The following VWCE variants were observed in gnomAD, a reference collection of about 807,000 sequenced individuals.
The protein encoded by VWCE is von Willebrand factor C and EGF domains, also known as von Willebrand factor C and EGF domain-containing protein.
In VWCE, 68 loss-of-function variants were observed where a neutral mutation model predicts 102.9. That is an observed-to-expected ratio of 0.66 (90% CI 0.54 to 0.81). VWCE has a LOEUF of 0.81. Ranked by LOEUF, VWCE falls within the 30% of genes least tolerant of loss-of-function variation. The pLI, the probability that VWCE is intolerant of heterozygous loss-of-function variation, is 0.00. For synonymous variants in VWCE, 497 were observed against 515.4 expected (o/e 0.96, Z 0.48); for missense variants, 1,137 against 1,263.6 (o/e 0.90, Z 1.52).
chr11:61,280,526 C>T (rs1654961745), intron 9 of VWCE, 98 bp downstream of exon 9: 2 of 1,227,362 alleles, frequency 1.6e-6, no homozygotes, highest in East Asian at 4.8e-5. Flanking sequence ...CCAGGAGATT[C>T]TAATGTATGC....
chr11:61,282,947 A>C (rs1221049916), intron 5 of VWCE, 42 bp from the exon 6 acceptor site: 4 of 1,528,520 alleles, frequency 2.6e-6, no homozygotes, highest in African/African-American at 1.4e-5. Flanking sequence ...TTTCCCCAAC[A>C]GAACCTTGGA....
chr11:61,273,780 C>T (rs1384501892), intron 12 of VWCE: 1 of 166,182 alleles, frequency 6.0e-6, no homozygotes, highest in African/African-American at 2.4e-5. Context: ...AGATGGTCAC[C>T]ACCCCCACTC....
At chr11:61,293,584 G>C (rs963027528) in intron 1 of VWCE, among the ~76,000 whole-genome samples, 3 of 152,086 alleles carry the variant, frequency 2.0e-5, no homozygotes, top group African/African-American at 7.2e-5. Flanking sequence ...AGCCTGGTTT[G>C]AGCTTCCAAC....
At position 61,274,504 on chromosome 11, in the gene VWCE, A is replaced by G; in HGVS notation, c.1576T>C (p.Cys526Arg). The change falls in exon 12 of 20, where the codon TGC (cysteine) becomes CGC (arginine). Residue 526 changes from cysteine to arginine, a missense_variant. This residue lies in a region of VWCE where 212 missense variants were observed against 235.1 expected (regional missense o/e 0.90). Transcript: ENST00000335613. ...GGGACGCTCAGCCACCATACCTGGC[A>G]AACACAGGTGGTACACTCGTCACCA... ...GGGDECTTCV[C>R]QNGEVECSFM... 2 of 1,612,336 alleles carry G rather than the reference A, an allele frequency of 1.2e-6. No individual in the cohort carries two copies. The highest frequency in any genetic ancestry group is 2.7e-5 in the African/African-American group (2 of 74,960).
rs376407964 is a variant in VWCE at position 61,265,099 on chromosome 11, G to T, written c.2056+23C>A. On this transcript the variant is annotated intron_variant, in intron 17 of 19. Coordinates refer to ENST00000335613, the MANE Select transcript of VWCE (RefSeq NM_152718.2). ...CGAGGCCTGGCCGGGAACCTGGCAC[G>T]TGGGGCAGCTGGTCCCACTCACCTC... The T allele has an allele frequency of 3.1e-6, 5 of 1,613,210 alleles. No homozygotes were observed. The South Asian group carries it at 5.5e-5, about 18-fold the overall frequency.
chr11:61,265,093 T>G lies in VWCE; in HGVS notation c.2056+29A>C, dbSNP rs564766376. The G allele has an allele frequency of 2.9e-5, 47 of 1,613,372 alleles. No individual in the cohort carries two copies. In the African/African-American group the frequency reaches 3.9e-4, roughly 13 times the overall value. Reference sequence around the variant, plus strand: ...GAGAGCCGAGGCCTGGCCGGGAACCTGGCACGTGGGGCAGCTGGTCCCACT... The same window carrying G: ...GAGAGCCGAGGCCTGGCCGGGAACCGGGCACGTGGGGCAGCTGGTCCCACT... On this transcript the variant is annotated intron_variant, in intron 17 of 19. Coordinates refer to ENST00000335613, the MANE Select transcript of VWCE (RefSeq NM_152718.2).
intron 11 of VWCE, 120 bp from the exon 12 acceptor site, chr11:61,274,704 C>T: frequency 1.4e-6 from 1 of 739,620 alleles, no homozygotes; most frequent in East Asian, 3.0e-5. Context: ...CACTCCACAG[C>T]ATGCTCCGTG....
intron 4 of VWCE, among the ~76,000 whole-genome samples, chr11:61,286,966 G>A (rs532126481): frequency 3.0e-4 from 46 of 151,506 alleles, no homozygotes; most frequent in Admixed American, 1.7e-3. Flanking sequence ...GCGCGGTGGC[G>A]GGCACCTGTA....
At chr11:61,283,014 G>A (rs1234198062) in intron 5 of VWCE, 109 bp from the exon 6 acceptor site, 5 of 925,930 alleles carry the variant, frequency 5.4e-6, no homozygotes, top group African/African-American at 1.6e-5. Flanking sequence ...CAGGGCTGTG[G>A]GGAACCACCT....
chr11:61,264,295 G>A (rs1323207204), intron 19 of VWCE, among the ~76,000 whole-genome samples, 192 bp downstream of exon 19: 2 of 151,420 alleles, frequency 1.3e-5, no homozygotes. Flanking sequence ...CAGACATCAT[G>A]GTGTGTGGCA....
chr11:61,280,230 T>C (rs918741611), intron 9 of VWCE, among the ~76,000 whole-genome samples: 2 of 152,130 alleles, frequency 1.3e-5, no homozygotes, highest in African/African-American at 4.8e-5. Flanking sequence ...GGAGGGTAAC[T>C]GGGCAGGAGA....
chr11:61,286,473 A>G (rs754076222), intron 4 of VWCE, 43 bp from the exon 5 acceptor site: 11 of 1,552,534 alleles, frequency 7.1e-6, no homozygotes, highest in Non-Finnish European at 8.8e-6. Context: ...GGTCCTCGCA[A>G]GAGGAACTTA....
rs1294273843 is a variant in VWCE at position 61,290,851 on chromosome 11, C to T, written c.372G>A (p.Val124=). The T allele has an allele frequency of 6.2e-7, 1 of 1,613,750 alleles. No homozygotes were observed. Among genetic ancestry groups the T allele is most frequent in the Non-Finnish European group, 8.5e-7 (1 of 1,179,988 alleles). ...CCGTCATCGAGAAGCCCACGGGGCACACTCGGGCCACCTCCTGACAGCCTC... is the reference window on the plus strand; with the variant it reads ...CCGTCATCGAGAAGCCCACGGGGCATACTCGGGCCACCTCCTGACAGCCTC... The part of the protein sequence containing the change: ...NHGGCQEVAR[V]CPVGFSMTET... The change falls in exon 4 of 20, where the codon GTG becomes GTA. Residue 124 remains valine, a synonymous_variant. Coordinates refer to ENST00000335613, the MANE Select transcript of VWCE (RefSeq NM_152718.2).
chr11:61,267,453 G>T lies in VWCE; in HGVS notation c.1965+9C>A, dbSNP rs1449894860. 1 of 1,613,810 alleles carries T rather than the reference G, an allele frequency of 6.2e-7. No individual in the cohort carries two copies. On this transcript the variant is annotated intron_variant, in intron 16 of 19. Transcript: ENST00000335613. ...CCAGGGGCGGGAGTCAGATCTGGGT[G>T]GTCCATACCAGGCAGATGCAGCTCA...
In VWCE at chr11:61,280,212, C is replaced by T. The variant is rs944420231; in HGVS notation, c.1324+412G>A. Among the ~76,000 whole-genome samples the T allele has an allele frequency of 5.3e-5, 8 of 152,086 alleles. No individual in the cohort carries two copies. The South Asian group carries it at 6.2e-4, about 12-fold the overall frequency. On this transcript the variant is annotated intron_variant, in intron 9 of 19. Coordinates refer to ENST00000335613, the MANE Select transcript of VWCE (RefSeq NM_152718.2). ...CAGAATTTAGAAACAACTACTCCTCCGCCTGTAGGAGGGTAACTGGGCAGG... is the reference window on the plus strand; with the variant it reads ...CAGAATTTAGAAACAACTACTCCTCTGCCTGTAGGAGGGTAACTGGGCAGG...
intron 4 of VWCE, among the ~76,000 whole-genome samples, chr11:61,290,271 G>A (rs1855458316): frequency 6.6e-6 from 1 of 152,136 alleles, no homozygotes; most frequent in South Asian, 2.1e-4. Context: ...TAACACTTTG[G>A]GAGTCCGAGG....
chr11:61,275,038 G>C (rs1056374847), intron 11 of VWCE, among the ~76,000 whole-genome samples: 5 of 152,154 alleles, frequency 3.3e-5, no homozygotes, highest in African/African-American at 1.2e-4. Flanking sequence ...CTGAGCGACA[G>C]AGCAAGACCC....
At chr11:61,268,861 TA>T (rs755506585) in intron 15 of VWCE, 60 bp downstream of exon 15, 36 of 1,555,072 alleles carry the variant, frequency 2.3e-5, no homozygotes, top group Non-Finnish European at 3.2e-5. Context: ...GTATAGGGCT[TA>T]AGGAGCCCGA....
At chr11:61,291,837 G>A (rs993728955) in intron 1 of VWCE, among the ~76,000 whole-genome samples, 1 of 152,206 alleles carries the variant, frequency 6.6e-6, no homozygotes, top group Non-Finnish European at 1.5e-5. Flanking sequence ...CCAGGAGAGG[G>A]GCCTCAGAGT....
Sources: gnomAD v4.1 joint callset for allele counts (sites outside exome capture counted in the v4.1 genomes callset) on GRCh38, gnomAD v4.1.1 for gene constraint, gnomAD v4.1.1 regional missense constraint, MANE v1.5 for transcripts, NCBI Gene and HGNC (gene_info 2026-07-23, HGNC 2026-07-21) for gene names.